ASH1L: variants seen among roughly 807,000 people sequenced by gnomAD.
The protein encoded by ASH1L is histone-lysine N-methyltransferase ASH1L.
In ASH1L, 23 loss-of-function variants were observed where a neutral mutation model predicts 269.0. The observed-to-expected ratio is 0.09, with a 90% CI of 0.06 to 0.12. ASH1L has a LOEUF of 0.12. ASH1L is among the 10% of genes least tolerant of loss of function. ASH1L has a pLI of 1.00. For synonymous variants in ASH1L, 1,187 were observed against 1,253.5 expected (o/e 0.95, Z 1.12); for missense variants, 2,912 against 3,567.8 (o/e 0.82, Z 4.68).
intron 5 of ASH1L, among the ~76,000 whole-genome samples, chr1:155,422,059 G>A (rs183229044): frequency 3.6e-4 from 55 of 152,078 alleles, no homozygotes; most frequent in Non-Finnish European, 6.6e-4. Flanking sequence ...TCTACTTTCC[G>A]CCTGTATGAA....
chr1:155,369,998 A>C (rs1205203973), intron 12 of ASH1L: 1 of 162,088 alleles, frequency 6.2e-6, no homozygotes, highest in African/African-American at 2.4e-5. Context: ...CAAACTCTTG[A>C]CCTCGTGATC....
intron 7 of ASH1L, among the ~76,000 whole-genome samples, chr1:155,393,796 C>T (rs1261214621): frequency 1.3e-5 from 2 of 152,080 alleles, no homozygotes; most frequent in African/African-American, 4.8e-5. Flanking sequence ...TCGTGATCCA[C>T]CTGCCTAGGT....
At chr1:155,345,507 T>C (rs924428899) in intron 21 of ASH1L, among the ~76,000 whole-genome samples, 6 of 150,826 alleles carry the variant, frequency 4.0e-5, no homozygotes, top group African/African-American at 1.5e-4. Context: ...TCTCTTGACC[T>C]TGTGATCTGC....
intron 12 of ASH1L, among the ~76,000 whole-genome samples, chr1:155,362,490 C>A (rs1014341231): frequency 1.3e-5 from 2 of 151,538 alleles, no homozygotes; most frequent in East Asian, 1.9e-4. Context: ...ATCCTCCTAA[C>A]AATTATATAA....
At chr1:155,345,774 C>T (rs147864726) in intron 21 of ASH1L, among the ~76,000 whole-genome samples, 1,710 of 151,030 alleles carry the variant, frequency 0.011, 36 homozygotes, top group African/African-American at 0.038. Context: ...AGGGTTTCAC[C>T]ATCTTGGCCA....
chr1:155,397,145 A>T (rs1658426626), intron 6 of ASH1L, among the ~76,000 whole-genome samples: 1 of 151,546 alleles, frequency 6.6e-6, no homozygotes, highest in South Asian at 2.1e-4. Flanking sequence ...AAAAAAAAAA[A>T]AAAAGCATGG....
At chr1:155,507,547 C>T (rs970176310) in intron 2 of ASH1L, among the ~76,000 whole-genome samples, 2 of 151,928 alleles carry the variant, frequency 1.3e-5, no homozygotes, top group Non-Finnish European at 2.9e-5. Flanking sequence ...TTGACTAATA[C>T]GTAATCTGCT....
At chr1:155,512,448 C>CTTTTTT in intron 2 of ASH1L, among the ~76,000 whole-genome samples, 1 of 93,716 alleles carries the variant, frequency 1.1e-5, no homozygotes, top group Non-Finnish European at 2.0e-5. Flanking sequence ...GGATCTTAGA[C>CTTTTTT]TTTTTTTTTT....
chr1:155,547,961 G>A (rs1670944058), intron 1 of ASH1L, among the ~76,000 whole-genome samples: 1 of 152,208 alleles, frequency 6.6e-6, no homozygotes. Flanking sequence ...GGGCGACAGA[G>A]CGAGACTCCG....
intron 12 of ASH1L, among the ~76,000 whole-genome samples, chr1:155,360,655 G>A (rs1038126555): frequency 1.2e-4 from 18 of 151,702 alleles, no homozygotes; most frequent in African/African-American, 4.4e-4. Flanking sequence ...TGTTGGCCAG[G>A]CTGGTCTTGA....
At chr1:155,559,206 G>A (rs1389220046) in intron 1 of ASH1L, among the ~76,000 whole-genome samples, 1 of 152,096 alleles carries the variant, frequency 6.6e-6, no homozygotes, top group Admixed American at 6.6e-5. Flanking sequence ...AAATATAAAT[G>A]TTTGCCTTCT....
chr1:155,562,900 C>A (rs556590435), upstream of ASH1L: 50 of 453,878 alleles, frequency 1.1e-4, no homozygotes, highest in Middle Eastern at 1.3e-3. Context: ...CGCCGCCAGC[C>A]CCCCCTACCA....
In ASH1L at chr1:155,335,987, T is replaced by C. The variant is rs950818001; in HGVS notation, c.*1673A>G. 2 of 152,656 alleles carry C rather than the reference T, an allele frequency of 1.3e-5. No individual in the cohort carries two copies. The highest frequency in any genetic ancestry group is 4.8e-5 in the African/African-American group (2 of 41,426). The allele number at this position is 152,656 out of a possible 1,614,324, so 9.5% of individuals were successfully genotyped here. A position where few individuals can be genotyped will look rare whatever the true frequency, so the allele number is the denominator to read the frequency against. On this transcript the variant is annotated 3_prime_UTR_variant, in exon 28 of 28. Transcript: ENST00000392403. ...TCCAGCTCCACATGTGAGTATCTTA[T>C]ACCCAGGTCTCTTAGTAATGTACAG...
chr1:155,547,169 T>C (rs1172000231), intron 1 of ASH1L, among the ~76,000 whole-genome samples: 2 of 151,354 alleles, frequency 1.3e-5, no homozygotes, highest in South Asian at 2.1e-4. Context: ...GCCAGGATGG[T>C]TTAGATCTCT....
chr1:155,460,569 T>C (rs1571270088), intron 3 of ASH1L, among the ~76,000 whole-genome samples: 3 of 152,048 alleles, frequency 2.0e-5, no homozygotes, highest in South Asian at 2.1e-4. Flanking sequence ...GATTGCGCCA[T>C]TGCACTGCAG....
chr1:155,405,173 C>A (rs1659166566), intron 6 of ASH1L, among the ~76,000 whole-genome samples: 1 of 151,696 alleles, frequency 6.6e-6, no homozygotes, highest in African/African-American at 2.4e-5. Context: ...ACACTAAAAA[C>A]TATAAAACAC....
At chr1:155,423,017 G>A (rs369599353) in intron 5 of ASH1L, among the ~76,000 whole-genome samples, 11 of 149,728 alleles carry the variant, frequency 7.3e-5, no homozygotes, top group Non-Finnish European at 1.2e-4. Flanking sequence ...GTGCGATCTC[G>A]GCTCTCTGTA....
intron 5 of ASH1L, among the ~76,000 whole-genome samples, chr1:155,425,886 T>A (rs1215173640): frequency 7.7e-6 from 1 of 130,040 alleles, no homozygotes; most frequent in Non-Finnish European, 1.7e-5. Context: ...CCTAATTTTT[T>A]TTGTGGTGTT....
chr1:155,358,452 A>G (rs533348339), intron 13 of ASH1L, among the ~76,000 whole-genome samples: 22 of 151,912 alleles, frequency 1.4e-4, no homozygotes, highest in South Asian at 4.2e-4. Flanking sequence ...TTGGGAGGCC[A>G]AGGCGGGCGG....
Sources: gnomAD v4.1 joint callset for allele counts (sites outside exome capture counted in the v4.1 genomes callset) on GRCh38, gnomAD v4.1.1 for gene constraint, MANE v1.5 for transcripts, NCBI Gene and HGNC (gene_info 2026-07-23, HGNC 2026-07-21) for gene names.